Variants in ULK4 observed in about 807,000 individuals in gnomAD.
ULK4 encodes inactive serine/threonine-protein kinase ULK4.
A neutral mutation model predicts 160.6 loss-of-function variants in ULK4; 133 were observed. The ratio of observed to expected loss-of-function variants is 0.83; its 90% CI spans 0.72 to 0.96. ULK4 has a LOEUF of 0.96. Ranked by LOEUF, ULK4 falls within the 40% of genes least tolerant of loss-of-function variation. ULK4 has a pLI of 0.00. For missense variants in ULK4, 1,580 were observed against 1,499.5 expected (o/e 1.05, Z -0.89); for synonymous variants, 534 against 539.8 (o/e 0.99, Z 0.15).
At chr3:41,360,086 A>C (rs1251765336) in intron 35 of ULK4, among the ~76,000 whole-genome samples, 1 of 151,938 alleles carries the variant, frequency 6.6e-6, no homozygotes, top group South Asian at 2.1e-4. Flanking sequence ...AGGAAAAAAA[A>C]CCCATTAAAA....
chr3:41,680,668 A>C (rs2035895030), intron 29 of ULK4, among the ~76,000 whole-genome samples: 1 of 152,198 alleles, frequency 6.6e-6, no homozygotes, highest in African/African-American at 2.4e-5. Flanking sequence ...TTAAATGAGA[A>C]CAGTGGGTCT....
intron 32 of ULK4, among the ~76,000 whole-genome samples, chr3:41,546,028 T>G (rs991207594): frequency 6.6e-6 from 1 of 152,208 alleles, no homozygotes; most frequent in African/African-American, 2.4e-5. Flanking sequence ...TGAATATATT[T>G]GTAATAGTTT....
At chr3:41,480,747 G>C (rs1163095605) in intron 32 of ULK4, among the ~76,000 whole-genome samples, 2 of 152,176 alleles carry the variant, frequency 1.3e-5, no homozygotes, top group Non-Finnish European at 2.9e-5. Flanking sequence ...TTCACTCATA[G>C]TTTCACAGGG....
At chr3:41,249,416 G>T in intron 36 of ULK4, 73 bp downstream of exon 36, 1 of 1,359,166 alleles carries the variant, frequency 7.4e-7, no homozygotes, top group Non-Finnish European at 1.0e-6. Flanking sequence ...TGAGTGGGAG[G>T]AGTGGAGAAA....
intron 31 of ULK4, among the ~76,000 whole-genome samples, chr3:41,603,172 C>T (rs574990915): frequency 2.2e-4 from 33 of 151,880 alleles, no homozygotes; most frequent in African/African-American, 8.0e-4. Flanking sequence ...GCAGGTCTGG[C>T]TATACTGATA....
At chr3:41,480,317 A>T (rs1410870157) in intron 32 of ULK4, among the ~76,000 whole-genome samples, 2 of 152,118 alleles carry the variant, frequency 1.3e-5, no homozygotes, top group Non-Finnish European at 2.9e-5. Context: ...TAAGTATATG[A>T]GATATTTGTA....
intron 36 of ULK4, among the ~76,000 whole-genome samples, chr3:41,247,337 TC>T (rs2078664124): frequency 1.3e-5 from 2 of 152,306 alleles, no homozygotes. Flanking sequence ...GACTTATGTG[TC>T]CCAGACCCAC....
At chr3:41,250,663 T>C (rs1193847223) in intron 35 of ULK4, among the ~76,000 whole-genome samples, 2 of 152,150 alleles carry the variant, frequency 1.3e-5, no homozygotes, top group African/African-American at 4.8e-5. Flanking sequence ...GTCACAGGGG[T>C]AACTAAACAT....
intron 17 of ULK4, among the ~76,000 whole-genome samples, chr3:41,856,821 G>A (rs183457728): frequency 2.4e-3 from 363 of 151,688 alleles, no homozygotes; most frequent in African/African-American, 7.8e-3. Context: ...TGGGTAGACT[G>A]CTTGAGCCAG....
intron 34 of ULK4, among the ~76,000 whole-genome samples, chr3:41,399,501 G>T (rs1024301554): frequency 2.0e-5 from 3 of 151,968 alleles, no homozygotes; most frequent in African/African-American, 7.2e-5. Context: ...TTTTAATTTT[G>T]AAAACTCTAA....
chr3:41,827,945 T>C (rs190614465), intron 18 of ULK4, among the ~76,000 whole-genome samples: 16 of 152,112 alleles, frequency 1.1e-4, no homozygotes, highest in African/African-American at 3.6e-4. Flanking sequence ...AAAAAGCTTA[T>C]CCACCATGAT....
intron 27 of ULK4, among the ~76,000 whole-genome samples, chr3:41,688,857 G>A (rs1406492803): frequency 2.0e-5 from 3 of 152,098 alleles, no homozygotes; most frequent in Non-Finnish European, 2.9e-5. Context: ...GAATATACTG[G>A]TGGTAGCCAG....
chr3:41,957,039 T>C (rs1261212714), intron 1 of ULK4, among the ~76,000 whole-genome samples: 1 of 152,248 alleles, frequency 6.6e-6, no homozygotes, highest in Admixed American at 6.5e-5. Flanking sequence ...CTCTTTAGTT[T>C]TCATAAGTAA....
chr3:41,789,879 C>G (rs373802678), intron 20 of ULK4, 36 bp from the exon 21 acceptor site: 4 of 1,481,262 alleles, frequency 2.7e-6, no homozygotes, highest in Admixed American at 2.1e-5. Context: ...TCAGGCAACT[C>G]CAAGTGCATC....
At chr3:41,632,036 T>C (rs1423589434) in intron 30 of ULK4, among the ~76,000 whole-genome samples, 2 of 152,210 alleles carry the variant, frequency 1.3e-5, no homozygotes, top group Non-Finnish European at 2.9e-5. Flanking sequence ...CTTTCTCTAA[T>C]GATTCTTTGA....
intron 18 of ULK4, among the ~76,000 whole-genome samples, chr3:41,826,228 G>A (rs535910974): frequency 6.6e-6 from 1 of 152,142 alleles, no homozygotes; most frequent in East Asian, 1.9e-4. Context: ...AGACGATGGA[G>A]GCTAGGAAGA....
intron 35 of ULK4, among the ~76,000 whole-genome samples, chr3:41,381,354 T>C (rs1161342543): frequency 2.0e-5 from 3 of 152,216 alleles, no homozygotes; most frequent in Non-Finnish European, 4.4e-5. Context: ...TCTGATACCA[T>C]TCTGCTTTAG....
rs547512609 is a variant in ULK4 at position 41,829,191 on chromosome 3, C to G, written c.1764+6673G>C. 4.5e-3 allele frequency among the ~76,000 whole-genome samples: 668 copies of G among 149,936 alleles called. 3 individuals are homozygous for G. Among genetic ancestry groups the G allele is most frequent in the African/African-American group, 0.016 (634 of 40,338 alleles). ...AATGTTAGACCTAAAACCATAAAAA[C>G]CCTAGAAGAAAACCTAGGCAATACC... On this transcript the variant is annotated intron_variant, in intron 18 of 36. Coordinates refer to ENST00000301831, the MANE Select transcript of ULK4 (RefSeq NM_017886.4).
At chr3:41,887,780 CACT>C (rs55683479) in intron 16 of ULK4, among the ~76,000 whole-genome samples, 132,227 of 151,462 alleles carry the variant, frequency 0.87, 59,411 homozygotes, top group Non-Finnish European at 0.98. Flanking sequence ...AAGATCATGC[CACT>C]ACTGCACTCC....
Sources: gnomAD v4.1 joint callset for allele counts (sites outside exome capture counted in the v4.1 genomes callset) on GRCh38, gnomAD v4.1.1 for gene constraint, MANE v1.5 for transcripts, NCBI Gene and HGNC (gene_info 2026-07-23, HGNC 2026-07-21) for gene names.